CSNK2A1: variants seen among roughly 807,000 people sequenced by gnomAD.
CSNK2A1 encodes the protein casein kinase II subunit alpha.
Under a neutral mutation model 62.9 loss-of-function variants are expected in CSNK2A1, and 10 were observed. The observed-to-expected ratio is 0.16, with a 90% CI of 0.10 to 0.27. The LOEUF is 0.27. Among genes scored for constraint, CSNK2A1 ranks in the 10% least tolerant of loss-of-function variants. The probability of loss-of-function intolerance (pLI) is 1.00; values close to 1 mark genes in which losing one functional copy is unlikely to be tolerated. For missense variants in CSNK2A1, 160 were observed against 492.0 expected, an observed-to-expected ratio of 0.33 and a Z score of 6.38; for synonymous variants, 124 against 167.8, an observed-to-expected ratio of 0.74 and a Z score of 2.02.
rs2122465470 is a variant in CSNK2A1 at position 475,293 on chromosome 20, T to C, written c.*8668A>G. On this transcript the variant is annotated 3_prime_UTR_variant, in exon 14 of 14. Coordinates refer to ENST00000217244, the MANE Select transcript of CSNK2A1 (RefSeq NM_177559.3). ...GGCCAACATGGTGAAACCCTGTTGT[T>C]TTGTAAAAATACAAAAACTATCTGG... The C allele has an allele frequency of 6.6e-6, 1 of 152,276 alleles. No homozygotes were observed. Among genetic ancestry groups the C allele is most frequent in the South Asian group, 2.1e-4 (1 of 4,806 alleles). 9.4% of individuals were successfully genotyped at this position (152,276 alleles called of 1,614,324 possible).
intron 2 of CSNK2A1, among the ~76,000 whole-genome samples, chr20:512,227 C>T (rs2018738434): frequency 6.6e-6 from 1 of 150,832 alleles, no homozygotes; most frequent in South Asian, 2.1e-4. Flanking sequence ...TTTTCAGTAA[C>T]AGCCCTCCTA....
At position 514,986 on chromosome 20, in the gene CSNK2A1, G is replaced by A. The variant is rs2018798366; in HGVS notation, c.-109-6326C>T. ...GGCAGAACAGGGGTGAGACAAGTAT[G>A]CCATTGAAGATTTTACCTATGGACT... On this transcript the variant is annotated intron_variant, in intron 2 of 13. Coordinates refer to ENST00000217244, the MANE Select transcript of CSNK2A1 (RefSeq NM_177559.3). Among the ~76,000 whole-genome samples the A allele has an allele frequency of 5.3e-5, 8 of 152,310 alleles. No homozygotes were observed. The South Asian group carries it at 1.7e-3, about 32-fold the overall frequency.
chr20:514,489 G>A (rs1288160143), intron 2 of CSNK2A1, among the ~76,000 whole-genome samples: 1 of 152,020 alleles, frequency 6.6e-6, no homozygotes, highest in Non-Finnish European at 1.5e-5. Flanking sequence ...CTGGAGTGCA[G>A]TGGTGCAATC....
Position 479,619 on chromosome 20 carries a change from T to C in CSNK2A1, c.*4342A>G, listed in dbSNP as rs1268941684. On this transcript the variant is annotated 3_prime_UTR_variant, in exon 14 of 14. Transcript: ENST00000217244. ...CAGAACTCTGTTAGAGGTAGACCAC[T>C]TGCAGTAACATTACATTGCTTCTCT... 1 of 152,340 alleles carries C rather than the reference T, an allele frequency of 6.6e-6. No homozygotes were observed. The highest frequency in any genetic ancestry group is 1.9e-4 in the East Asian group (1 of 5,190). 9.4% of individuals were successfully genotyped at this position (152,340 alleles called of 1,614,324 possible). A position where few individuals can be genotyped will look rare whatever the true frequency, so the allele number is the denominator to read the frequency against.
chr20:490,353 G>GTTTTTTTTTTTTTT (rs373775413), intron 9 of CSNK2A1, among the ~76,000 whole-genome samples: 8 of 53,494 alleles, frequency 1.5e-4, no homozygotes, highest in South Asian at 9.0e-4. Context: ...TTTTTTTTTA[G>GTTTTTTTTTTTTTT]TTTTTTTTTT....
At chr20:539,926 T>C (rs1228405381) in intron 1 of CSNK2A1, 2 of 152,190 alleles carry the variant, frequency 1.3e-5, no homozygotes, top group Non-Finnish European at 2.9e-5. Context: ...GAATAACAGT[T>C]AGACATTCCA....
At chr20:534,112 G>T (rs1006069213) in intron 1 of CSNK2A1, among the ~76,000 whole-genome samples, 1 of 152,138 alleles carries the variant, frequency 6.6e-6, no homozygotes, top group African/African-American at 2.4e-5. Context: ...TACAAACCAG[G>T]CACAGTATCA....
intron 11 of CSNK2A1, 151 bp from the exon 12 acceptor site, chr20:487,726 G>A: frequency 3.0e-6 from 3 of 1,000,930 alleles, no homozygotes; most frequent in Non-Finnish European, 4.3e-6. Flanking sequence ...CTCTGCCACT[G>A]AGTGGGACAA....
rs12625429 is a variant in CSNK2A1, at chr20:484,233, T to C, written c.1061-157A>G. On this transcript the variant is annotated intron_variant, in intron 13 of 13. Coordinates refer to ENST00000217244, the MANE Select transcript of CSNK2A1 (RefSeq NM_177559.3). ...ATACTTCAAGTCTGACCCTCACAAA[T>C]TCAAGTTAAAGTGGCAAGTCCTAAT... The C allele has an allele frequency of 5.8e-3, 3,333 of 571,046 alleles. 99 individuals carry two copies. The East Asian group carries it at 0.079, about 14-fold the overall frequency. 35.4% of individuals were successfully genotyped at this position (571,046 alleles called of 1,614,324 possible).
chr20:500,622 A>T (rs1254220495), intron 4 of CSNK2A1: 1 of 151,154 alleles, frequency 6.6e-6, no homozygotes, highest in African/African-American at 2.4e-5. Flanking sequence ...GTCTAGCCTG[A>T]TCACCAATGC....
chr20:488,799 A>T, intron 10 of CSNK2A1, 21 bp from the exon 11 acceptor site: 1 of 1,583,390 alleles, frequency 6.3e-7, no homozygotes, highest in Admixed American at 1.8e-5. Flanking sequence ...AGAAAGACAA[A>T]AACCCATATC....
intron 2 of CSNK2A1, among the ~76,000 whole-genome samples, chr20:522,221 C>T (rs1470874298): frequency 6.6e-6 from 1 of 152,202 alleles, no homozygotes; most frequent in African/African-American, 2.4e-5. Context: ...AAATTTCTCC[C>T]TTTCCATGCT....
chr20:492,194 TGG>T, intron 9 of CSNK2A1, 58 bp downstream of exon 9: 9 of 1,427,890 alleles, frequency 6.3e-6, no homozygotes, highest in Admixed American at 2.0e-5. Context: ...TTTTTTTTTT[TGG>T]TAAATTATGT....
chr20:532,227 C>T (rs992524353), intron 1 of CSNK2A1, among the ~76,000 whole-genome samples: 7 of 151,542 alleles, frequency 4.6e-5, no homozygotes, highest in Non-Finnish European at 7.4e-5. Flanking sequence ...TGCAGTGGCA[C>T]GCTCTCGGCT....
At chr20:524,997 C>CTA (rs1386644225) in intron 2 of CSNK2A1, among the ~76,000 whole-genome samples, 1 of 151,786 alleles carries the variant, frequency 6.6e-6, no homozygotes, top group Admixed American at 6.6e-5. Context: ...CACCTGTGTC[C>CTA]TAGCTACTCA....
Position 492,263 on chromosome 20 carries a change from T to C in CSNK2A1, c.612A>G (p.Val204=). The C allele has an allele frequency of 6.2e-7, 1 of 1,613,708 alleles. No individual in the cohort carries two copies. The highest frequency in any genetic ancestry group is 8.5e-7 in the Non-Finnish European group (1 of 1,179,678). ...GCCCTTCTGTTCTTACCTGATAGTC[T>C]ACAAGTAGCTCAGGACCTTTGAAGT... is the stretch of plus-strand genomic sequence containing the variant. ...SRYFKGPELL[V]DYQMYDYSLD... is the part of the protein sequence containing the mutation. Residue 204 remains valine, a synonymous_variant, in exon 9 of 14, where the codon GTA becomes GTG. Coordinates refer to ENST00000217244, the MANE Select transcript of CSNK2A1 (RefSeq NM_177559.3).
chr20:487,348 G>C, intron 12 of CSNK2A1, 79 bp downstream of exon 12: 1 of 1,583,492 alleles, frequency 6.3e-7, no homozygotes, highest in Non-Finnish European at 8.6e-7. Context: ...GCAGCAAGCT[G>C]ACAGGAGCTG....
At position 483,546 on chromosome 20, in the gene CSNK2A1, C is replaced by A. The variant is rs2017998056; in HGVS notation, c.*415G>T. 1 of 152,974 alleles carries A rather than the reference C, an allele frequency of 6.5e-6. No homozygotes were observed. The highest frequency in any genetic ancestry group is 1.5e-5 in the Non-Finnish European group (1 of 68,352). 9.5% of individuals were successfully genotyped at this position (152,974 alleles called of 1,614,324 possible). A position where few individuals can be genotyped will look rare whatever the true frequency, so the allele number is the denominator to read the frequency against. On this transcript the variant is annotated 3_prime_UTR_variant, in exon 14 of 14. Transcript: ENST00000217244. Reference sequence around the variant, plus strand: ...TTTTTGTAATCTCTGGAGAAGAGCACGAGATACCAACCCCCTAAAGTGTGG... The same window carrying A: ...TTTTTGTAATCTCTGGAGAAGAGCAAGAGATACCAACCCCCTAAAGTGTGG...
intron 2 of CSNK2A1, among the ~76,000 whole-genome samples, chr20:511,654 G>T (rs1343292308): frequency 6.6e-6 from 1 of 151,956 alleles, no homozygotes; most frequent in African/African-American, 2.4e-5. Flanking sequence ...GCATGTGTTA[G>T]AATTCCAATC....
Sources: gnomAD v4.1 joint callset for allele counts (sites outside exome capture counted in the v4.1 genomes callset) on GRCh38, gnomAD v4.1.1 for gene constraint, MANE v1.5 for transcripts, NCBI Gene and HGNC (gene_info 2026-07-23, HGNC 2026-07-21) for gene names.